The following ZNF609 variants were observed in gnomAD, a reference collection of about 807,000 sequenced individuals.
ZNF609 encodes zinc finger protein 609.
Under a neutral mutation model 109.5 loss-of-function variants are expected in ZNF609, and 11 were observed. The ratio of observed to expected loss-of-function variants is 0.10; its 90% CI spans 0.06 to 0.17. ZNF609 has a LOEUF of 0.17. Among genes scored for constraint, ZNF609 ranks in the 10% least tolerant of loss-of-function variants. The pLI, the probability that ZNF609 is intolerant of heterozygous loss-of-function variation, is 1.00. For missense variants in ZNF609, 1,559 were observed against 1,772.4 expected, an observed-to-expected ratio of 0.88 and a Z score of 2.16; for synonymous variants, 646 against 662.0, an observed-to-expected ratio of 0.98 and a Z score of 0.37.
chr15:64,474,362 C>T (rs1220923227), intron 1 of ZNF609, among the ~76,000 whole-genome samples: 2 of 151,728 alleles, frequency 1.3e-5, no homozygotes, highest in South Asian at 2.1e-4. Flanking sequence ...TACAGGCGTA[C>T]GCCACCATGC....
intron 2 of ZNF609, among the ~76,000 whole-genome samples, chr15:64,519,144 C>A (rs1391606365): frequency 6.7e-6 from 1 of 148,964 alleles, no homozygotes; most frequent in African/African-American, 2.5e-5. Context: ...GGGGGCGGGT[C>A]AGGGAAAATA....
At chr15:64,635,795 A>C (rs192552161) in intron 3 of ZNF609, among the ~76,000 whole-genome samples, 1 of 152,220 alleles carries the variant, frequency 6.6e-6, no homozygotes, top group Non-Finnish European at 1.5e-5. Context: ...AGCTATTGCT[A>C]CTGAGGCTGC....
At chr15:64,533,055 T>G (rs968147291) in intron 2 of ZNF609, among the ~76,000 whole-genome samples, 1 of 151,710 alleles carries the variant, frequency 6.6e-6, no homozygotes, top group Admixed American at 6.6e-5. Flanking sequence ...AAATAATTGC[T>G]GCTTTTTTTT....
intron 3 of ZNF609, among the ~76,000 whole-genome samples, chr15:64,647,193 G>T (rs930528127): frequency 6.6e-6 from 1 of 151,190 alleles, no homozygotes; most frequent in African/African-American, 2.4e-5. Context: ...GAAAATACAT[G>T]TTAAGTGAAA....
chr15:64,477,419 C>T (rs1159027488), intron 1 of ZNF609, among the ~76,000 whole-genome samples: 3 of 151,880 alleles, frequency 2.0e-5, no homozygotes, highest in Admixed American at 2.0e-4. Flanking sequence ...AGATTACAGG[C>T]GTGAGCCACC....
intron 1 of ZNF609, among the ~76,000 whole-genome samples, chr15:64,483,527 C>T (rs1354814403): frequency 6.6e-6 from 1 of 152,124 alleles, no homozygotes; most frequent in Non-Finnish European, 1.5e-5. Flanking sequence ...GCTGGGACTA[C>T]AGATGCATAC....
intron 2 of ZNF609, among the ~76,000 whole-genome samples, chr15:64,535,638 C>T (rs976496933): frequency 1.3e-5 from 2 of 152,104 alleles, no homozygotes; most frequent in Non-Finnish European, 2.9e-5. Context: ...TTCTCTGGGA[C>T]AAGTGCCCAA....
chr15:64,631,367 A>ACAATGC, intron 3 of ZNF609: 1 of 723,550 alleles, frequency 1.4e-6, no homozygotes, highest in Middle Eastern at 2.4e-4. Context: ...TTTGTTTACA[A>ACAATGC]CAATGCCAAC....
At chr15:64,566,597 T>C (rs559536945) in intron 2 of ZNF609, among the ~76,000 whole-genome samples, 3 of 152,312 alleles carry the variant, frequency 2.0e-5, no homozygotes, top group African/African-American at 7.2e-5. Flanking sequence ...AGCTAAACAC[T>C]AGTTAGGATT....
At chr15:64,554,657 C>CA (rs201391735) in intron 2 of ZNF609, among the ~76,000 whole-genome samples, 3,536 of 150,444 alleles carry the variant, frequency 0.024, 59 homozygotes, top group Middle Eastern at 0.048. Flanking sequence ...GACCTTGCCT[C>CA]AAAAAAAAAT....
At chr15:64,513,255 C>G (rs553463468) in intron 2 of ZNF609, among the ~76,000 whole-genome samples, 14 of 152,182 alleles carry the variant, frequency 9.2e-5, no homozygotes, top group African/African-American at 3.4e-4. Flanking sequence ...TTTATATACA[C>G]CATATTAGAC....
chr15:64,510,493 A>T (rs370199054), intron 2 of ZNF609, among the ~76,000 whole-genome samples: 32 of 152,208 alleles, frequency 2.1e-4, no homozygotes, highest in African/African-American at 7.2e-4. Flanking sequence ...GGTGTGAGTC[A>T]CCATGCTCAC....
chr15:64,563,812 C>A (rs907924848), intron 2 of ZNF609, among the ~76,000 whole-genome samples: 9 of 150,690 alleles, frequency 6.0e-5, no homozygotes, highest in African/African-American at 9.8e-5. Context: ...AACAAAAAAA[C>A]CCATATATAT....
intron 2 of ZNF609, among the ~76,000 whole-genome samples, chr15:64,609,130 T>TTCTTTCTTTCTTTCTTTCTTCTTTC (rs750700444): frequency 2.4e-5 from 2 of 84,120 alleles, no homozygotes; most frequent in Non-Finnish European, 4.8e-5. Context: ...CTTTCTTTCT[T>TTCTTTCTTTCTTTCTTTCTTCTTTC]TTTTTCTTTC....
At chr15:64,558,568 A>G (rs1262935158) in intron 2 of ZNF609, among the ~76,000 whole-genome samples, 1 of 152,186 alleles carries the variant, frequency 6.6e-6, no homozygotes, top group Non-Finnish European at 1.5e-5. Flanking sequence ...TTTCTGCCCA[A>G]AGCTGAGTTA....
intron 2 of ZNF609, among the ~76,000 whole-genome samples, chr15:64,570,858 T>G (rs1300325824): frequency 6.6e-6 from 1 of 152,038 alleles, no homozygotes; most frequent in African/African-American, 2.4e-5. Context: ...AAACCTCGTC[T>G]CTACTAAAAA....
chr15:64,673,903 A>G lies in ZNF609; in HGVS notation c.1062-13A>G, dbSNP rs748723018. The G allele has an allele frequency of 1.9e-6, 3 of 1,604,638 alleles. No individual in the cohort carries two copies. Among genetic ancestry groups the G allele is most frequent in the South Asian group, 2.2e-5 (2 of 90,074 alleles). The stretch of plus-strand genomic sequence containing the variant: ...TTCTTAATAATATTCTGTTGTGTTT[A>G]TCCTTTGCCAAGGTTCTGTGACTCC... On this transcript the variant is annotated splice_polypyrimidine_tract_variant and intron_variant, in intron 4 of 9. Transcript: ENST00000326648.
At chr15:64,572,505 T>A (rs184273972) in intron 2 of ZNF609, among the ~76,000 whole-genome samples, 269 of 152,262 alleles carry the variant, frequency 1.8e-3, no homozygotes, top group Non-Finnish European at 1.8e-3. Context: ...TCTCCCACAA[T>A]GGGATATAAG....
chr15:64,586,544 ACTG>A (rs1418295168), intron 2 of ZNF609, among the ~76,000 whole-genome samples: 1 of 152,082 alleles, frequency 6.6e-6, no homozygotes, highest in Non-Finnish European at 1.5e-5. Flanking sequence ...CCTATTGTGA[ACTG>A]CACATGAGAG....
Sources: allele counts gnomAD v4.1 joint callset (sites outside exome capture counted in the v4.1 genomes callset), GRCh38; gene constraint gnomAD v4.1.1; transcripts MANE v1.5; gene names NCBI Gene and HGNC (gene_info 2026-07-23, HGNC 2026-07-21).